The following TRAPPC9 variants were observed in gnomAD, a reference collection of about 807,000 sequenced individuals.
TRAPPC9 encodes IKK2 binding protein.
Under a neutral mutation model 124.0 loss-of-function variants are expected in TRAPPC9, and 83 were observed. The observed-to-expected ratio is 0.67, with a 90% CI of 0.56 to 0.80. The LOEUF is 0.80. Ranked by LOEUF, TRAPPC9 falls within the 30% of genes least tolerant of loss-of-function variation. TRAPPC9 has a pLI of 0.00. For missense variants in TRAPPC9, 1,302 were observed against 1,508.3 expected (o/e 0.86, Z 2.27); for synonymous variants, 638 against 617.5 (o/e 1.03, Z -0.49).
chr8:140,233,365 C>A (rs1371244969), intron 16 of TRAPPC9, among the ~76,000 whole-genome samples: 7 of 152,042 alleles, frequency 4.6e-5, no homozygotes, highest in Non-Finnish European at 1.5e-5. Context: ...CCACCGCGCC[C>A]AGCTAATTTT....
intron 17 of TRAPPC9, among the ~76,000 whole-genome samples, chr8:140,145,229 G>A (rs1468283324): frequency 6.6e-6 from 1 of 151,922 alleles, no homozygotes; most frequent in East Asian, 1.9e-4. Context: ...TTTCCATACT[G>A]ACAATCCTCT....
chr8:140,120,049 T>C (rs1563775584), intron 17 of TRAPPC9, among the ~76,000 whole-genome samples: 1 of 152,186 alleles, frequency 6.6e-6, no homozygotes, highest in Non-Finnish European at 1.5e-5. Context: ...GAAGATAAAC[T>C]GACATAGCAC....
In TRAPPC9 at chr8:139,852,385, G is replaced by A. The variant is rs529240483; in HGVS notation, c.3055+33494C>T. On this transcript the variant is annotated intron_variant, in intron 21 of 22. Coordinates refer to ENST00000438773, the MANE Select transcript of TRAPPC9 (RefSeq NM_001160372.4). Reference sequence around the variant, plus strand: ...GTGCGCCCATGTTATTTCTGGTACCGGATCATGAATTCATGGGTTGATGCC... The same window carrying A: ...GTGCGCCCATGTTATTTCTGGTACCAGATCATGAATTCATGGGTTGATGCC... Among the ~76,000 whole-genome samples, 11 of 152,260 alleles carry A rather than the reference G, an allele frequency of 7.2e-5. No individual in the cohort carries two copies. In the East Asian group the frequency reaches 7.7e-4, roughly 11 times the overall value.
intron 18 of TRAPPC9, among the ~76,000 whole-genome samples, chr8:140,001,852 A>G (rs1009464531): frequency 7.9e-5 from 12 of 152,246 alleles, no homozygotes; most frequent in Non-Finnish European, 1.2e-4. Flanking sequence ...TGAAAAACAC[A>G]TCATATAATC....
chr8:139,867,171 C>A (rs1188472356), intron 21 of TRAPPC9, among the ~76,000 whole-genome samples: 1 of 152,102 alleles, frequency 6.6e-6, no homozygotes, highest in African/African-American at 2.4e-5. Flanking sequence ...ATCAAGACTC[C>A]TGTGAGAAAT....
intron 21 of TRAPPC9, among the ~76,000 whole-genome samples, chr8:139,818,315 C>T (rs1432605676): frequency 6.6e-6 from 1 of 152,200 alleles, no homozygotes. Context: ...GTAGCTCATG[C>T]CTGTAATCCC....
chr8:139,734,114 C>G (rs542938639), intron 21 of TRAPPC9, among the ~76,000 whole-genome samples: 2 of 152,344 alleles, frequency 1.3e-5, no homozygotes, highest in South Asian at 4.1e-4. Flanking sequence ...TGGCTCAGAG[C>G]CTCTAGGCCT....
intron 17 of TRAPPC9, among the ~76,000 whole-genome samples, chr8:140,049,509 A>C (rs1587592253): frequency 6.6e-6 from 1 of 151,526 alleles, no homozygotes; most frequent in African/African-American, 2.4e-5. Context: ...TGTTCTGCCC[A>C]CCTCTCATCA....
chr8:139,741,913 T>C (rs1008734179), intron 21 of TRAPPC9, among the ~76,000 whole-genome samples: 1 of 152,168 alleles, frequency 6.6e-6, no homozygotes, highest in East Asian at 1.9e-4. Flanking sequence ...TTTGTTCATA[T>C]AGCATCCACC....
At chr8:140,454,872 G>A (rs903976436) in intron 1 of TRAPPC9, among the ~76,000 whole-genome samples, 11 of 151,128 alleles carry the variant, frequency 7.3e-5, no homozygotes, top group South Asian at 2.1e-4. Context: ...CCAGGGAGGA[G>A]GAGGTTACAG....
Position 139,755,362 on chromosome 8 carries a change from C to T in TRAPPC9, c.3056-23160G>A, listed in dbSNP as rs578121681. 2.1e-4 allele frequency among the ~76,000 whole-genome samples: 27 copies of T among 131,552 alleles called. No homozygotes were observed. The South Asian group carries it at 3.7e-3, about 18-fold the overall frequency. The allele number at this position is 131,552 out of a possible 152,430, so 86.3% of individuals were successfully genotyped here. ...GATTTGGGGTATAAGGACAGCAGGT[C>T]GCAGGAGGAGCCAGGGTTGGGGATG... On this transcript the variant is annotated intron_variant, in intron 21 of 22. Coordinates refer to ENST00000438773, the MANE Select transcript of TRAPPC9 (RefSeq NM_001160372.4).
intron 17 of TRAPPC9, among the ~76,000 whole-genome samples, chr8:140,134,353 G>A (rs1467695874): frequency 2.0e-5 from 3 of 151,894 alleles, no homozygotes; most frequent in Admixed American, 6.6e-5. Flanking sequence ...TGCAACCTCC[G>A]CCTCCTGAGT....
At chr8:140,268,501 G>A (rs1368615375) in intron 15 of TRAPPC9, among the ~76,000 whole-genome samples, 1 of 152,186 alleles carries the variant, frequency 6.6e-6, no homozygotes, top group Non-Finnish European at 1.5e-5. Context: ...CATTTTTCAC[G>A]TGTAACCCTG....
chr8:140,395,363 G>A (rs1173439748), intron 7 of TRAPPC9, among the ~76,000 whole-genome samples: 1 of 152,130 alleles, frequency 6.6e-6, no homozygotes, highest in South Asian at 2.1e-4. Flanking sequence ...AAGATGACGG[G>A]TCCAAGGGGC....
chr8:140,293,899 T>A (rs2065733488), intron 11 of TRAPPC9, among the ~76,000 whole-genome samples: 1 of 152,046 alleles, frequency 6.6e-6, no homozygotes. Context: ...AATTAATTAA[T>A]TAATACAGTG....
Position 139,989,741 on chromosome 8 carries a change from G to A in TRAPPC9, c.2700-905C>T, listed in dbSNP as rs564226853. 2.0e-3 allele frequency among the ~76,000 whole-genome samples: 298 copies of A among 152,240 alleles called. No homozygotes were observed. In the Middle Eastern group the frequency reaches 0.024, roughly 12 times the overall value. On this transcript the variant is annotated intron_variant, in intron 18 of 22. Transcript: ENST00000438773. The stretch of plus-strand genomic sequence containing the variant: ...GTGGCCGTGGCAGCCCTGCACTGCC[G>A]GCCTCTCTCTAGCCGTGTGAGCTCC...
At chr8:139,899,340 AT>A (rs1300764021) in intron 20 of TRAPPC9, among the ~76,000 whole-genome samples, 1 of 152,176 alleles carries the variant, frequency 6.6e-6, no homozygotes, top group African/African-American at 2.4e-5. Context: ...CGTATTTTGC[AT>A]GTTATATGTA....
intron 16 of TRAPPC9, among the ~76,000 whole-genome samples, chr8:140,247,773 C>T (rs1347836583): frequency 6.6e-6 from 1 of 151,922 alleles, no homozygotes; most frequent in Admixed American, 6.6e-5. Flanking sequence ...TTTTTCTTCT[C>T]TCTTTTCATC....
intron 9 of TRAPPC9, among the ~76,000 whole-genome samples, chr8:140,333,894 C>T (rs140823352): frequency 2.6e-5 from 4 of 152,286 alleles, no homozygotes; most frequent in Admixed American, 1.3e-4. Flanking sequence ...CAGTGTAACA[C>T]AGATGTTTTA....
Sources: gnomAD v4.1 joint callset for allele counts (sites outside exome capture counted in the v4.1 genomes callset) on GRCh38, gnomAD v4.1.1 for gene constraint, MANE v1.5 for transcripts, NCBI Gene and HGNC (gene_info 2026-07-23, HGNC 2026-07-21) for gene names.